Variants in ARHGAP42 observed in about 807,000 individuals in gnomAD.
The protein encoded by ARHGAP42 is Rho GTPase activating protein 42, also known as rho GTPase-activating protein 42.
Under a neutral mutation model 125.0 loss-of-function variants are expected in ARHGAP42, and 63 were observed. The ratio of observed to expected loss-of-function variants is 0.50; its 90% CI spans 0.41 to 0.62. The LOEUF (loss-of-function observed/expected upper bound fraction) is 0.62. ARHGAP42 is among the 20% of genes least tolerant of loss of function. ARHGAP42 has a pLI of 0.00. For synonymous variants in ARHGAP42, 339 were observed against 351.0 expected, an observed-to-expected ratio of 0.97 and a Z score of 0.38; for missense variants, 766 against 1,024.2, an observed-to-expected ratio of 0.75 and a Z score of 3.44.
At chr11:100,852,060 G>A (rs994276348) in intron 3 of ARHGAP42, among the ~76,000 whole-genome samples, 1 of 152,038 alleles carries the variant, frequency 6.6e-6, no homozygotes, top group Non-Finnish European at 1.5e-5. Flanking sequence ...ATTTCTCCCT[G>A]TATTAGTTAG....
chr11:100,965,398 G>T (rs994939474), intron 16 of ARHGAP42, among the ~76,000 whole-genome samples: 1 of 152,090 alleles, frequency 6.6e-6, no homozygotes, highest in Admixed American at 6.6e-5. Flanking sequence ...ATGAGTTTTG[G>T]CTGTATCAAA....
chr11:100,834,117 T>C (rs1864726396), intron 3 of ARHGAP42, among the ~76,000 whole-genome samples: 1 of 152,164 alleles, frequency 6.6e-6, no homozygotes, highest in South Asian at 2.1e-4. Context: ...AGCTGTCCAG[T>C]CATTACAGTT....
intron 1 of ARHGAP42, among the ~76,000 whole-genome samples, chr11:100,697,695 C>T (rs904350845): frequency 6.6e-6 from 1 of 152,178 alleles, no homozygotes; most frequent in Non-Finnish European, 1.5e-5. Flanking sequence ...TGTGTGTGGA[C>T]TGGAGTGATA....
intron 1 of ARHGAP42, among the ~76,000 whole-genome samples, chr11:100,758,182 C>T (rs1565558446): frequency 1.3e-5 from 2 of 152,202 alleles, no homozygotes; most frequent in East Asian, 3.9e-4. Context: ...TTTGTCACTC[C>T]ATTTAAATTG....
At chr11:100,705,020 A>ACC (rs1861460460) in intron 1 of ARHGAP42, among the ~76,000 whole-genome samples, 1 of 137,258 alleles carries the variant, frequency 7.3e-6, no homozygotes, top group Non-Finnish European at 1.6e-5. Context: ...CAACAAAAAA[A>ACC]AAAAAAAAAA....
chr11:100,765,321 T>A (rs961532041), intron 1 of ARHGAP42, among the ~76,000 whole-genome samples: 1 of 152,176 alleles, frequency 6.6e-6, no homozygotes, highest in Non-Finnish European at 1.5e-5. Context: ...TGTGCCTTTT[T>A]ATTTGCCACC....
At chr11:100,697,424 C>T (rs578122317) in intron 1 of ARHGAP42, among the ~76,000 whole-genome samples, 8 of 152,076 alleles carry the variant, frequency 5.3e-5, no homozygotes, top group Non-Finnish European at 7.4e-5. Context: ...CCTCGTGATC[C>T]GCCCGCCTCG....
intron 4 of ARHGAP42, among the ~76,000 whole-genome samples, chr11:100,910,571 G>C (rs1866884050): frequency 6.6e-6 from 1 of 151,838 alleles, no homozygotes; most frequent in South Asian, 2.1e-4. Flanking sequence ...TTATTTCAGA[G>C]AAAATTCTTA....
chr11:100,920,227 T>G (rs754855255), intron 5 of ARHGAP42, among the ~76,000 whole-genome samples: 15 of 152,198 alleles, frequency 9.9e-5, no homozygotes, highest in Non-Finnish European at 1.8e-4. Flanking sequence ...TCTAGTGAGT[T>G]GCTGGTAATA....
chr11:100,712,087 C>G (rs879389686), intron 1 of ARHGAP42, among the ~76,000 whole-genome samples: 1 of 152,084 alleles, frequency 6.6e-6, no homozygotes, highest in Admixed American at 6.6e-5. Context: ...ATATTGATTG[C>G]CTACCCAGCT....
rs1429198041 is a variant in ARHGAP42 at position 100,991,099 on chromosome 11, C to T, written c.*2298C>T. The T allele has an allele frequency of 6.6e-6, 1 of 152,204 alleles. No homozygotes were observed. Among genetic ancestry groups the T allele is most frequent in the Non-Finnish European group, 1.5e-5 (1 of 68,034 alleles). 9.4% of individuals were successfully genotyped at this position (152,204 alleles called of 1,614,324 possible). ...ATGGTCCCTTTGCTGAAACAAGCTACAGAAGCACTGATTCAAGTTGTGCTT... is the reference window on the plus strand; with the variant it reads ...ATGGTCCCTTTGCTGAAACAAGCTATAGAAGCACTGATTCAAGTTGTGCTT... On this transcript the variant is annotated 3_prime_UTR_variant, in exon 24 of 24. Transcript: ENST00000298815.
At chr11:100,753,020 T>C (rs891418750) in intron 1 of ARHGAP42, among the ~76,000 whole-genome samples, 9 of 152,174 alleles carry the variant, frequency 5.9e-5, no homozygotes, top group African/African-American at 9.7e-5. Flanking sequence ...CAGATGATGA[T>C]TGGGGCCGTA....
chr11:100,734,188 C>T lies in ARHGAP42; in HGVS notation c.155-36155C>T, dbSNP rs193230075. Among the ~76,000 whole-genome samples the T allele has an allele frequency of 3.6e-3, 543 of 151,998 alleles. 4 individuals are homozygous for T. Among genetic ancestry groups the T allele is most frequent in the African/African-American group, 0.013 (519 of 41,482 alleles). ...GACCTCATGATCCGCCCACCTCGGC[C>T]TCCCAAAGTGCTGGGATTACAAGCG... On this transcript the variant is annotated intron_variant, in intron 1 of 23. Coordinates refer to ENST00000298815, the MANE Select transcript of ARHGAP42 (RefSeq NM_152432.4).
intron 3 of ARHGAP42, among the ~76,000 whole-genome samples, chr11:100,796,396 T>C (rs576218528): frequency 8.3e-4 from 127 of 152,216 alleles, no homozygotes; most frequent in Non-Finnish European, 1.6e-3. Flanking sequence ...AACATGAATA[T>C]ATTGAAATTA....
intron 1 of ARHGAP42, among the ~76,000 whole-genome samples, chr11:100,750,056 G>A (rs1862409056): frequency 6.6e-6 from 1 of 152,180 alleles, no homozygotes; most frequent in African/African-American, 2.4e-5. Flanking sequence ...ACAAGGGGGT[G>A]GGATGCCCCT....
intron 2 of ARHGAP42, among the ~76,000 whole-genome samples, chr11:100,773,899 G>A (rs1466716222): frequency 1.3e-5 from 2 of 152,202 alleles, no homozygotes; most frequent in East Asian, 1.9e-4. Flanking sequence ...TACACAAGCA[G>A]ATGTAATGTT....
intron 4 of ARHGAP42, among the ~76,000 whole-genome samples, chr11:100,888,701 A>T (rs1866153444): frequency 6.6e-6 from 1 of 152,160 alleles, no homozygotes; most frequent in Non-Finnish European, 1.5e-5. Context: ...CTCTTTTTAG[A>T]GGAAGAGGGA....
At chr11:100,688,012 C>G (rs1861117451) in intron 1 of ARHGAP42, 180 bp downstream of exon 1, 1 of 596,386 alleles carries the variant, frequency 1.7e-6, no homozygotes, top group Non-Finnish European at 2.8e-6. Flanking sequence ...TCTTTACTTA[C>G]TCACATGTCT....
intron 1 of ARHGAP42, among the ~76,000 whole-genome samples, chr11:100,761,168 T>C (rs1197643027): frequency 1.3e-5 from 2 of 152,124 alleles, no homozygotes; most frequent in African/African-American, 4.8e-5. Flanking sequence ...TCAGAAAATG[T>C]TGCTTGGGCT....
Sources: gnomAD v4.1 joint callset for allele counts (sites outside exome capture counted in the v4.1 genomes callset) on GRCh38, gnomAD v4.1.1 for gene constraint, MANE v1.5 for transcripts, NCBI Gene and HGNC (gene_info 2026-07-23, HGNC 2026-07-21) for gene names.